Variants in PLAAT3 observed in about 807,000 individuals in gnomAD.
The protein encoded by PLAAT3 is phospholipase A and acyltransferase 3.
Under a neutral mutation model 16.7 loss-of-function variants are expected in PLAAT3, and 21 were observed. The ratio of observed to expected loss-of-function variants is 1.26; its 90% confidence interval spans 0.89 to 1.81. The LOEUF (loss-of-function observed/expected upper bound fraction) is 1.81, where lower values mean the gene tolerates loss of function less well. Among genes scored for constraint, PLAAT3 ranks in the 40% most tolerant of loss-of-function variants. The pLI, the probability that PLAAT3 is intolerant of heterozygous loss-of-function variation, is 0.00. For missense variants in PLAAT3, 219 were observed against 213.7 expected, an observed-to-expected ratio of 1.02 and a Z score of -0.16; for synonymous variants, 76 against 81.7, an observed-to-expected ratio of 0.93 and a Z score of 0.38.
intron 4 of PLAAT3, among the ~76,000 whole-genome samples, chr11:63,585,418 G>A (rs898671090): frequency 6.6e-6 from 1 of 152,016 alleles, no homozygotes; most frequent in African/African-American, 2.4e-5. Context: ...TCCCTGTGGG[G>A]GGAATTGTCT....
chr11:63,613,984 CTCGCCCCGCA>C lies in PLAAT3; in HGVS notation c.15+6_15+15del, dbSNP rs747286359. ...GGCTCCCAGCCCCGCCCAGCCCCGC[CTCGCCCCGCA>C]CTTACAATGGGCGCACGCATCTTCC... On this transcript the variant is annotated splice_donor_region_variant and intron_variant, in intron 2 of 4. Transcript: ENST00000415826. 1 of 1,555,938 alleles carries C rather than the reference CTCGCCCCGCA, an allele frequency of 6.4e-7. No individual in the cohort carries two copies. The highest frequency in any genetic ancestry group is 1.4e-5 in the African/African-American group (1 of 73,870).
chr11:63,613,994 A>G lies in PLAAT3; in HGVS notation c.15+6T>C, dbSNP rs545617347. 5.2e-6 allele frequency: 8 copies of G among 1,548,236 alleles called. No individual in the cohort carries two copies. Among genetic ancestry groups the G allele is most frequent in the Non-Finnish European group, 6.2e-6 (7 of 1,120,638 alleles). ...CCCGCCCAGCCCCGCCTCGCCCCGC[A>G]CTTACAATGGGCGCACGCATCTTCC... On this transcript the variant is annotated splice_donor_region_variant and intron_variant, in intron 2 of 4. Coordinates refer to ENST00000415826, the MANE Select transcript of PLAAT3 (RefSeq NM_001128203.2).
intron 4 of PLAAT3, among the ~76,000 whole-genome samples, chr11:63,589,472 A>G (rs2134406114): frequency 6.6e-6 from 1 of 152,112 alleles, no homozygotes; most frequent in African/African-American, 2.4e-5. Flanking sequence ...GTGCAAGGAA[A>G]TGAGAAGAGA....
intron 2 of PLAAT3, chr11:63,598,741 A>G (rs1417702426): frequency 1.9e-6 from 1 of 517,444 alleles, no homozygotes; most frequent in South Asian, 1.4e-5. Flanking sequence ...TCTGGAGGGC[A>G]TTCCACAGAC....
At chr11:63,578,205 C>G (rs1937678545) in intron 4 of PLAAT3, among the ~76,000 whole-genome samples, 1 of 151,886 alleles carries the variant, frequency 6.6e-6, no homozygotes, top group Admixed American at 6.6e-5. Flanking sequence ...ATTCCTTGAA[C>G]CTGGAAGGCA....
intron 3 of PLAAT3, among the ~76,000 whole-genome samples, chr11:63,593,070 T>C (rs1028415130): frequency 3.3e-5 from 5 of 152,114 alleles, no homozygotes; most frequent in Non-Finnish European, 5.9e-5. Flanking sequence ...ACACACCTGC[T>C]CAGTGCAGCC....
chr11:63,601,980 CAAAAAA>C (rs71468636), intron 2 of PLAAT3, among the ~76,000 whole-genome samples: 1 of 99,412 alleles, frequency 1.0e-5, no homozygotes, highest in African/African-American at 4.0e-5. Flanking sequence ...AACTCTGTCT[CAAAAAA>C]AAAAAAAAAA....
In PLAAT3 at chr11:63,612,287, C is replaced by A. The variant is rs141431332; in HGVS notation, c.15+1713G>T. 5.3e-5 allele frequency among the ~76,000 whole-genome samples: 8 copies of A among 152,270 alleles called. No individual in the cohort carries two copies. In the East Asian group the frequency reaches 1.5e-3, roughly 29 times the overall value. ...TTGGCCTCCCCAAGTGCTGGAATTA[C>A]AGTAATGAATCACTGCACCCAGCCT... is the stretch of plus-strand genomic sequence containing the variant. On this transcript the variant is annotated intron_variant, in intron 2 of 4. Transcript: ENST00000415826.
At chr11:63,602,445 C>T (rs919405516) in intron 2 of PLAAT3, among the ~76,000 whole-genome samples, 2 of 152,076 alleles carry the variant, frequency 1.3e-5, no homozygotes, top group Non-Finnish European at 2.9e-5. Context: ...TCATTATACA[C>T]GTCACCCATC....
chr11:63,611,558 A>G (rs1938693732), intron 2 of PLAAT3, among the ~76,000 whole-genome samples: 1 of 152,222 alleles, frequency 6.6e-6, no homozygotes, highest in Non-Finnish European at 1.5e-5. Context: ...AGACTCAGCC[A>G]TAAGTTCTGT....
intron 2 of PLAAT3, among the ~76,000 whole-genome samples, chr11:63,613,398 G>T (rs1037586483): frequency 1.3e-5 from 2 of 150,314 alleles, no homozygotes; most frequent in African/African-American, 4.9e-5. Context: ...GTGACAGAGC[G>T]AGACTCCGTC....
chr11:63,607,954 A>C (rs1938608559), intron 2 of PLAAT3, among the ~76,000 whole-genome samples: 1 of 152,068 alleles, frequency 6.6e-6, no homozygotes, highest in South Asian at 2.1e-4. Context: ...TGGGAGGCCG[A>C]GGCAGGCAGA....
intron 4 of PLAAT3, among the ~76,000 whole-genome samples, chr11:63,578,146 G>C (rs1937673466): frequency 6.6e-6 from 1 of 152,018 alleles, no homozygotes; most frequent in Non-Finnish European, 1.5e-5. Flanking sequence ...AGCCAGGCAT[G>C]GTGGTGCGCG....
chr11:63,592,570 T>C (rs1938179376), intron 3 of PLAAT3, among the ~76,000 whole-genome samples: 1 of 152,208 alleles, frequency 6.6e-6, no homozygotes, highest in African/African-American at 2.4e-5. Flanking sequence ...CATCAGCGAC[T>C]GAATTTTGGG....
At chr11:63,595,602 T>C (rs925094942) in intron 3 of PLAAT3, among the ~76,000 whole-genome samples, 1 of 151,986 alleles carries the variant, frequency 6.6e-6, no homozygotes, top group African/African-American at 2.4e-5. Context: ...GGGCGAGGCG[T>C]GGGGAGGCAT....
At chr11:63,576,717 T>C (rs1398997455) in intron 4 of PLAAT3, among the ~76,000 whole-genome samples, 1 of 152,204 alleles carries the variant, frequency 6.6e-6, no homozygotes, top group Non-Finnish European at 1.5e-5. Flanking sequence ...GGTAAGAGAA[T>C]AGTAACAAGG....
chr11:63,615,350 GTATATATATGTGTGCATA>G (rs1479524816), upstream of PLAAT3, among the ~76,000 whole-genome samples: 6 of 101,310 alleles, frequency 5.9e-5, 1 homozygote, highest in Non-Finnish European at 1.0e-4. Context: ...ATATATGTGT[GTATATATATGTGTGCATA>G]TATATGTGTG....
chr11:63,583,448 A>G (rs187619992), intron 4 of PLAAT3, among the ~76,000 whole-genome samples: 2 of 152,386 alleles, frequency 1.3e-5, no homozygotes, highest in African/African-American at 4.8e-5. Context: ...CAACTGGTTC[A>G]TACAAAAGAT....
chr11:63,613,145 C>T (rs886650747), intron 2 of PLAAT3, among the ~76,000 whole-genome samples: 1 of 152,272 alleles, frequency 6.6e-6, no homozygotes, highest in Non-Finnish European at 1.5e-5. Flanking sequence ...GGCTCGGTGG[C>T]TCACGCCTGT....
Sources: allele counts gnomAD v4.1 joint callset (sites outside exome capture counted in the v4.1 genomes callset), GRCh38; gene constraint gnomAD v4.1.1; transcripts MANE v1.5; gene names NCBI Gene and HGNC (gene_info 2026-07-23, HGNC 2026-07-21).